The following ASAH2 variants were observed in gnomAD, a reference collection of about 807,000 sequenced individuals.
The protein encoded by ASAH2 is N-acylsphingosine amidohydrolase 2, also known as neutral ceramidase.
A neutral mutation model predicts 82.9 loss-of-function variants in ASAH2; 58 were observed. That is an observed-to-expected ratio of 0.70 (90% CI 0.57 to 0.87). The LOEUF (loss-of-function observed/expected upper bound fraction) is 0.87. ASAH2 is among the 40% of genes least tolerant of loss of function. The pLI is 0.00. For missense variants in ASAH2, 779 were observed against 834.0 expected, an observed-to-expected ratio of 0.93 and a Z score of 0.81; for synonymous variants, 276 against 289.7, an observed-to-expected ratio of 0.95 and a Z score of 0.48.
chr10:50,238,665 T>C (rs1280463541), intron 4 of ASAH2, among the ~76,000 whole-genome samples: 2 of 152,076 alleles, frequency 1.3e-5, no homozygotes, highest in Non-Finnish European at 2.9e-5. Flanking sequence ...AGGAAGGTAG[T>C]AGAGAAAAAG....
chr10:50,208,235 T>A (rs1845356387), intron 12 of ASAH2, among the ~76,000 whole-genome samples: 1 of 152,004 alleles, frequency 6.6e-6, no homozygotes. Context: ...TTTTCCATAC[T>A]ATTAGGAACA....
intron 2 of ASAH2, among the ~76,000 whole-genome samples, chr10:50,246,113 A>G (rs1197280182): frequency 1.3e-5 from 2 of 152,204 alleles, no homozygotes; most frequent in Admixed American, 1.3e-4. Context: ...ATGTATGCAT[A>G]TATATTTATT....
In ASAH2 at chr10:50,206,051, G is replaced by A. The variant is rs549664705; in HGVS notation, c.1461C>T (p.Ile487=). The change falls in exon 13 of 21, where the codon ATC becomes ATT. Residue 487 remains isoleucine, a synonymous_variant. Coordinates refer to ENST00000682911, the MANE Select transcript of ASAH2 (RefSeq NM_019893.4). ...DPFWDTIRDQ[I]LGKPSEEIKE... is the part of the protein sequence containing the mutation. ...TAATTTCTTCAGATGGCTTTCCCAGGATCTGGTCCCGAATGGTGTCCCAAA... is the reference window on the plus strand; with the variant it reads ...TAATTTCTTCAGATGGCTTTCCCAGAATCTGGTCCCGAATGGTGTCCCAAA... The A allele has an allele frequency of 1.5e-4, 237 of 1,612,604 alleles. No individual in the cohort carries two copies. The African/African-American group carries it at 2.8e-3, about 19-fold the overall frequency.
At chr10:50,250,684 A>G (rs1424136997) in intron 1 of ASAH2, among the ~76,000 whole-genome samples, 1 of 152,174 alleles carries the variant, frequency 6.6e-6, no homozygotes, top group African/African-American at 2.4e-5. Context: ...CCAACCCCAG[A>G]GCATGGACAG....
At chr10:50,209,153 G>T (rs1190871512) in intron 12 of ASAH2, among the ~76,000 whole-genome samples, 1 of 151,982 alleles carries the variant, frequency 6.6e-6, no homozygotes, top group African/African-American at 2.4e-5. Context: ...ATGGATCCAA[G>T]ACTTAAATGT....
intron 12 of ASAH2, among the ~76,000 whole-genome samples, chr10:50,209,541 G>T (rs1181419963): frequency 6.6e-6 from 1 of 151,624 alleles, no homozygotes; most frequent in Non-Finnish European, 1.5e-5. Flanking sequence ...TAGAGACAGG[G>T]TTTCACAATG....
intron 4 of ASAH2, among the ~76,000 whole-genome samples, chr10:50,239,318 G>A (rs1846233850): frequency 6.6e-6 from 1 of 152,140 alleles, no homozygotes; most frequent in African/African-American, 2.4e-5. Flanking sequence ...GGAAAACTAA[G>A]TGGGTTCATT....
At chr10:50,206,893 C>T (rs1037296698) in intron 12 of ASAH2, among the ~76,000 whole-genome samples, 49,174 of 151,610 alleles carry the variant, frequency 0.32, 9,705 homozygotes, top group Non-Finnish European at 0.44. Context: ...ATTCTTCTCA[C>T]GTGCACATGA....
chr10:50,201,081 A>T (rs1845136482), intron 16 of ASAH2, among the ~76,000 whole-genome samples: 1 of 152,054 alleles, frequency 6.6e-6, no homozygotes, highest in African/African-American at 2.4e-5. Context: ...CTGAACTCTG[A>T]GAGGAGTTCG....
chr10:50,214,656 A>T, intron 9 of ASAH2, 87 bp downstream of exon 9: 2 of 1,527,270 alleles, frequency 1.3e-6, no homozygotes, highest in Non-Finnish European at 1.8e-6. Context: ...CTAGAAGACA[A>T]GGTATTTGTA....
At chr10:50,232,554 C>T (rs976699838) in intron 7 of ASAH2, among the ~76,000 whole-genome samples, 1 of 152,070 alleles carries the variant, frequency 6.6e-6, no homozygotes, top group Admixed American at 6.6e-5. Context: ...TTGCAGTAAC[C>T]AAAATCACAT....
At chr10:50,240,176 C>T (rs1846260592) in intron 4 of ASAH2, among the ~76,000 whole-genome samples, 1 of 152,132 alleles carries the variant, frequency 6.6e-6, no homozygotes, top group African/African-American at 2.4e-5. Flanking sequence ...TCACTGCCAT[C>T]ACATTGGTTT....
At chr10:50,207,090 A>C (rs1275018926) in intron 12 of ASAH2, among the ~76,000 whole-genome samples, 2 of 152,010 alleles carry the variant, frequency 1.3e-5, no homozygotes, top group Non-Finnish European at 2.9e-5. Flanking sequence ...ATAATCAAGG[A>C]AGAAATCAAA....
At position 50,233,240 on chromosome 10, in the gene ASAH2, C is replaced by T. The variant is rs1215045936; in HGVS notation, c.837G>A (p.Lys279=). 1.7e-5 allele frequency: 27 copies of T among 1,611,396 alleles called. No homozygotes were observed. Among genetic ancestry groups the T allele is most frequent in the Non-Finnish European group, 2.0e-5 (23 of 1,177,908 alleles). ...ERARYSSNTD[K]EMIVLKMVDL... ...CTACCATTTTCAAAACTATCATTTC[C>T]TTGTCTGTATTTGAAGAATACCTAG... is the stretch of plus-strand genomic sequence containing the variant. Residue 279 remains lysine, a synonymous_variant, in exon 7 of 21, where the codon AAG becomes AAA. Coordinates refer to ENST00000682911, the MANE Select transcript of ASAH2 (RefSeq NM_019893.4).
chr10:50,202,171 T>C (rs2133200343), intron 16 of ASAH2, among the ~76,000 whole-genome samples: 1 of 152,208 alleles, frequency 6.6e-6, no homozygotes, highest in East Asian at 1.9e-4. Flanking sequence ...ACTGAATATT[T>C]ACCAAGGGGT....
chr10:50,225,036 T>A (rs1276187954), intron 7 of ASAH2, among the ~76,000 whole-genome samples: 7 of 152,128 alleles, frequency 4.6e-5, no homozygotes, highest in Non-Finnish European at 8.8e-5. Flanking sequence ...CCCAGAGAAG[T>A]GATGTACGTT....
chr10:50,197,676 GT>G (rs1467502197), intron 17 of ASAH2, among the ~76,000 whole-genome samples: 1 of 151,838 alleles, frequency 6.6e-6, no homozygotes. Flanking sequence ...ATATTCAGTG[GT>G]TTTTTTCAAG....
At chr10:50,217,092 C>T (rs1589336564) in intron 8 of ASAH2, among the ~76,000 whole-genome samples, 1 of 152,194 alleles carries the variant, frequency 6.6e-6, no homozygotes, top group Non-Finnish European at 1.5e-5. Flanking sequence ...TGGCTTCTCA[C>T]TCTCTAGGGA....
intron 16 of ASAH2, among the ~76,000 whole-genome samples, chr10:50,200,079 C>A (rs1458619774): frequency 6.6e-6 from 1 of 151,642 alleles, no homozygotes; most frequent in Non-Finnish European, 1.5e-5. Context: ...CTCCTCCCAG[C>A]CTTCACCCTC....
Sources: gnomAD v4.1 joint callset for allele counts (sites outside exome capture counted in the v4.1 genomes callset) on GRCh38, gnomAD v4.1.1 for gene constraint, MANE v1.5 for transcripts, NCBI Gene and HGNC (gene_info 2026-07-23, HGNC 2026-07-21) for gene names.